Variants in AFF2 observed in about 807,000 individuals in gnomAD.
AFF2 encodes AF4/FMR2 family member 2.
AFF2 carries 14 observed loss-of-function variants against 76.9 expected under a neutral mutation model. The ratio of observed to expected loss-of-function variants is 0.18; its 90% CI spans 0.12 to 0.28. AFF2 has a LOEUF of 0.28. Among genes scored for constraint, AFF2 ranks in the 10% least tolerant of loss-of-function variants. AFF2 has a pLI of 1.00. For synonymous variants in AFF2, 398 were observed against 366.7 expected, an observed-to-expected ratio of 1.09 and a Z score of -0.98; for missense variants, 868 against 1,001.1, an observed-to-expected ratio of 0.87 and a Z score of 1.79.
At chrX:148,921,386 C>T (rs1557283188) in intron 9 of AFF2, among the ~76,000 whole-genome samples, 1 of 112,222 alleles carries the variant, frequency 8.9e-6, no homozygotes, top group Non-Finnish European at 1.9e-5. Context: ...CCAAGGGAGC[C>T]CTGTACCCGT....
chrX:148,523,617 G>C (rs1344930145), intron 1 of AFF2, among the ~76,000 whole-genome samples: 1 of 112,290 alleles, frequency 8.9e-6, no homozygotes, highest in Non-Finnish European at 1.9e-5. Flanking sequence ...TAGGATGAAA[G>C]ACAAAGCCTG....
chrX:148,823,607 C>A (rs1377494055), intron 4 of AFF2, among the ~76,000 whole-genome samples: 2 of 111,280 alleles, frequency 1.8e-5, no homozygotes, highest in East Asian at 5.7e-4. Flanking sequence ...GGTTTTTATT[C>A]TGAGTTTTAT....
At chrX:148,911,718 T>C (rs1384145513) in intron 9 of AFF2, among the ~76,000 whole-genome samples, 4 of 112,200 alleles carry the variant, frequency 3.6e-5, no homozygotes, top group African/African-American at 1.3e-4. Flanking sequence ...CTTCATTCCA[T>C]TTAAAAATCT....
intron 9 of AFF2, among the ~76,000 whole-genome samples, chrX:148,913,272 G>A (rs1333028914): frequency 8.9e-6 from 1 of 112,204 alleles, no homozygotes; most frequent in Non-Finnish European, 1.9e-5. Context: ...GGACACACAT[G>A]TCCACTTTCC....
chrX:148,571,698 T>A lies in AFF2; in HGVS notation c.47+70554T>A, dbSNP rs1006731786. Among the ~76,000 whole-genome samples the A allele has an allele frequency of 1.4e-4, 16 of 111,284 alleles. No individual in the cohort carries two copies. The East Asian group carries it at 3.7e-3, about 26-fold the overall frequency. On this transcript the variant is annotated intron_variant, in intron 1 of 20. Transcript: ENST00000370460. The stretch of plus-strand genomic sequence containing the variant: ...AGCAGTCATTCTCAAGATAGTATTA[T>A]CATTTTAAAGCTTCTAAAAGCTTTC...
At chrX:148,885,302 C>A (rs1383556859) in intron 7 of AFF2, among the ~76,000 whole-genome samples, 1 of 111,722 alleles carries the variant, frequency 9.0e-6, no homozygotes. Context: ...TCTCTCAGAT[C>A]AAATTTTACA....
chrX:148,724,859 G>C lies in AFF2; in HGVS notation c.1041+62091G>C, dbSNP rs145145476. Among the ~76,000 whole-genome samples, 13 of 112,632 alleles carry C rather than the reference G, an allele frequency of 1.2e-4. No individual in the cohort carries two copies. In the East Asian group the frequency reaches 3.7e-3, roughly 32 times the overall value. ...AATAGGGAGGACAGAAGCAACAGCG[G>C]AGTTAGTAATTAATACATCATTTAG... On this transcript the variant is annotated intron_variant, in intron 3 of 20. Transcript: ENST00000370460.
chrX:148,956,249 C>T lies in AFF2; in HGVS notation c.2204C>T (p.Pro735Leu), dbSNP rs371781393. 1.8e-5 allele frequency: 22 copies of T among 1,209,870 alleles called. No individual in the cohort carries two copies. The highest frequency in any genetic ancestry group is 2.2e-5 in the Non-Finnish European group (20 of 895,235). ...EETLQIKVLP[P>L]CIISGGNTAK... Reference sequence around the variant, plus strand: ...ACCCTGCAAATCAAAGTCCTGCCTCCGTGCATTATTTCTGGAGGTAATACT... The same window carrying T: ...ACCCTGCAAATCAAAGTCCTGCCTCTGTGCATTATTTCTGGAGGTAATACT... Residue 735 changes from proline (P) to leucine (L), a missense_variant, in exon 11 of 21, where the codon CCG becomes CTG. By Grantham distance (98) the Pro-to-Leu change is moderately conservative (BLOSUM62 -3). Around this residue, in one of 6 missense-constraint regions of AFF2, gnomAD observed 532 missense variants for 564.2 expected, o/e 0.94. Coordinates refer to ENST00000370460, the MANE Select transcript of AFF2 (RefSeq NM_002025.4).
intron 1 of AFF2, among the ~76,000 whole-genome samples, chrX:148,528,836 A>G (rs563211417): frequency 2.7e-5 from 3 of 111,767 alleles, no homozygotes; most frequent in South Asian, 7.5e-4. Flanking sequence ...ATTTGCTTCA[A>G]CTTCACCATG....
At chrX:148,840,894 CCTA>C (rs1292906169) in intron 5 of AFF2, among the ~76,000 whole-genome samples, 1 of 111,847 alleles carries the variant, frequency 8.9e-6, no homozygotes, top group Non-Finnish European at 1.9e-5. Flanking sequence ...AACATTTACA[CCTA>C]CTATGTACCA....
At position 148,916,196 on chromosome X, in the gene AFF2, C is replaced by CTTTTTTT. The variant is rs782508166; in HGVS notation, c.1397+11963_1397+11969dup. 8.8e-4 allele frequency among the ~76,000 whole-genome samples: 30 copies of CTTTTTTT among 34,038 alleles called. 2 individuals carry two copies. The highest frequency in any genetic ancestry group is 3.4e-3 in the African/African-American group (27 of 8,055). The allele number at this position is 34,038 out of a possible 115,157, so 29.6% of individuals were successfully genotyped here. A position where few individuals can be genotyped will look rare whatever the true frequency, so the allele number is the denominator to read the frequency against. ...AATAGACTTTTGAATGTGGTTTTAACTTTTTTTTTTTTTTTTTTTTTTTTT... is the reference window on the plus strand; with the variant it reads ...AATAGACTTTTGAATGTGGTTTTAACTTTTTTTTTTTTTTTTTTTTTTTTTTTTTTTT... On this transcript the variant is annotated intron_variant, in intron 9 of 20. Transcript: ENST00000370460.
intron 1 of AFF2, among the ~76,000 whole-genome samples, chrX:148,545,191 G>A (rs148899760): frequency 0.013 from 1,493 of 111,737 alleles, 17 homozygotes; most frequent in Non-Finnish European, 0.021. Flanking sequence ...AGAGGGGAAT[G>A]CCTTGCCCAA....
At chrX:148,980,602 C>T (rs2072379797) in intron 18 of AFF2, 136 bp from the exon 19 acceptor site, 1 of 408,021 alleles carries the variant, frequency 2.5e-6, no homozygotes, top group Non-Finnish European at 4.3e-6. Flanking sequence ...CTGACGTGCA[C>T]ATACATCCCA....
At chrX:148,955,556 C>A (rs1374179868) in intron 10 of AFF2, 47 bp from the exon 11 acceptor site, 2 of 1,161,677 alleles carry the variant, frequency 1.7e-6, no homozygotes, top group Non-Finnish European at 2.3e-6. Flanking sequence ...CTCTTGAATC[C>A]TTCCCAAGTG....
intron 3 of AFF2, among the ~76,000 whole-genome samples, chrX:148,693,524 T>C (rs2054679040): frequency 8.9e-6 from 1 of 112,060 alleles, no homozygotes; most frequent in Admixed American, 9.4e-5. Context: ...TTAATAGATG[T>C]TTAGCTTATG....
At chrX:148,865,062 G>C (rs1370984139) in intron 7 of AFF2, among the ~76,000 whole-genome samples, 3 of 112,145 alleles carry the variant, frequency 2.7e-5, no homozygotes, top group Non-Finnish European at 5.6e-5. Context: ...ACATTTCACT[G>C]TACAAGGCAG....
intron 7 of AFF2, among the ~76,000 whole-genome samples, chrX:148,873,793 A>T (rs1201007063): frequency 9.0e-6 from 1 of 111,683 alleles, no homozygotes; most frequent in East Asian, 2.8e-4. Context: ...CCCTCAAGTC[A>T]TAATTGTACA....
At chrX:148,821,751 T>C (rs782205718) in intron 4 of AFF2, among the ~76,000 whole-genome samples, 1 of 111,448 alleles carries the variant, frequency 9.0e-6, no homozygotes, top group Admixed American at 9.6e-5. Flanking sequence ...TATGTGTGTA[T>C]GTTGGGGAGT....
rs782733920 is a variant in AFF2 at position 148,872,156 on chromosome X, A to G, written c.1263-13733A>G. ...AGATGCATATAACATAAAACTTACC[A>G]TTGTAAAGTATACAATTCAGTGTTT... is the stretch of plus-strand genomic sequence containing the variant. On this transcript the variant is annotated intron_variant, in intron 7 of 20. Transcript: ENST00000370460. 3.6e-5 allele frequency among the ~76,000 whole-genome samples: 4 copies of G among 110,990 alleles called. No individual in the cohort carries two copies. In the South Asian group the frequency reaches 1.5e-3, roughly 43 times the overall value.
Sources: allele counts gnomAD v4.1 joint callset (sites outside exome capture counted in the v4.1 genomes callset), GRCh38; gene constraint gnomAD v4.1.1; regional missense constraint gnomAD v4.1.1; transcripts MANE v1.5; gene names NCBI Gene and HGNC (gene_info 2026-07-23, HGNC 2026-07-21).